The following GNAL variants were observed in gnomAD, a reference collection of about 807,000 sequenced individuals.
GNAL encodes G protein subunit alpha L.
GNAL carries 18 observed loss-of-function variants against 55.1 expected under a neutral mutation model. The observed-to-expected ratio is 0.33, with a 90% CI of 0.23 to 0.48. GNAL has a LOEUF of 0.48. Among genes scored for constraint, GNAL ranks in the 20% least tolerant of loss-of-function variants. GNAL has a pLI of 0.99. For missense variants in GNAL, 412 were observed against 614.1 expected (o/e 0.67, Z 3.48); for synonymous variants, 253 against 237.0 (o/e 1.07, Z -0.62).
At chr18:11,702,583 A>G (rs1199150874) in intron 1 of GNAL, among the ~76,000 whole-genome samples, 1 of 152,208 alleles carries the variant, frequency 6.6e-6, no homozygotes, top group African/African-American at 2.4e-5. Flanking sequence ...TAGCACGTCT[A>G]CCACGTCCCA....
At chr18:11,735,434 G>C (rs1423087368) in intron 1 of GNAL, among the ~76,000 whole-genome samples, 4 of 152,160 alleles carry the variant, frequency 2.6e-5, no homozygotes, top group Non-Finnish European at 5.9e-5. Context: ...ATTTAAATAA[G>C]AGTAGCTCAC....
chr18:11,825,149 T>G, intron 5 of GNAL, 134 bp downstream of exon 5: 1 of 612,382 alleles, frequency 1.6e-6, no homozygotes, highest in Non-Finnish European at 2.9e-6. Flanking sequence ...AGAAATCAAC[T>G]TTTAAAATGA....
intron 4 of GNAL, among the ~76,000 whole-genome samples, chr18:11,761,211 C>T (rs1598435588): frequency 1.3e-5 from 2 of 152,322 alleles, no homozygotes; most frequent in East Asian, 1.9e-4. Flanking sequence ...ACCTCCACCT[C>T]AAGCCAGCAT....
At chr18:11,875,675 C>T (rs1409031968) in intron 10 of GNAL, among the ~76,000 whole-genome samples, 1 of 152,176 alleles carries the variant, frequency 6.6e-6, no homozygotes, top group African/African-American at 2.4e-5. Flanking sequence ...CCCCAGAAGC[C>T]TAGCAGATAC....
At chr18:11,876,987 C>T (rs557107022) in intron 11 of GNAL, among the ~76,000 whole-genome samples, 2 of 152,270 alleles carry the variant, frequency 1.3e-5, no homozygotes, top group Non-Finnish European at 2.9e-5. Flanking sequence ...AAAAGGACAG[C>T]GTCCTTCAGC....
chr18:11,847,782 G>T (rs1313924787), intron 5 of GNAL, among the ~76,000 whole-genome samples: 1 of 152,048 alleles, frequency 6.6e-6, no homozygotes, highest in African/African-American at 2.4e-5. Flanking sequence ...CGTACAATTA[G>T]CATGGTTGTA....
intron 1 of GNAL, among the ~76,000 whole-genome samples, chr18:11,708,408 G>T (rs1211653865): frequency 6.6e-6 from 1 of 152,150 alleles, no homozygotes; most frequent in Non-Finnish European, 1.5e-5. Context: ...GATTGAGTTT[G>T]CCATCTTATA....
chr18:11,819,960 T>TA (rs57209043), intron 4 of GNAL, among the ~76,000 whole-genome samples: 8,370 of 148,600 alleles, frequency 0.056, 292 homozygotes, highest in African/African-American at 0.1. Context: ...GTGGAACTTA[T>TA]AAAAAAAAAA....
chr18:11,712,364 T>C (rs989038785), intron 1 of GNAL, among the ~76,000 whole-genome samples: 10 of 152,210 alleles, frequency 6.6e-5, no homozygotes, highest in African/African-American at 2.2e-4. Flanking sequence ...AATTGCCCTT[T>C]TTACCTCTTT....
At chr18:11,778,933 A>C (rs1320861538) in intron 4 of GNAL, among the ~76,000 whole-genome samples, 2 of 152,174 alleles carry the variant, frequency 1.3e-5, no homozygotes, top group Non-Finnish European at 2.9e-5. Context: ...GAAGACAGGA[A>C]AACAAACAAC....
At chr18:11,710,650 G>T (rs2031814801) in intron 1 of GNAL, among the ~76,000 whole-genome samples, 2 of 150,778 alleles carry the variant, frequency 1.3e-5, no homozygotes, top group African/African-American at 2.4e-5. Context: ...TTTTTTTGGA[G>T]GATAGTTTTG....
At chr18:11,758,071 T>TG (rs1294485766) in intron 4 of GNAL, among the ~76,000 whole-genome samples, 1 of 152,160 alleles carries the variant, frequency 6.6e-6, no homozygotes, top group East Asian at 1.9e-4. Context: ...TGAAAAGGGC[T>TG]GGAATCACTT....
chr18:11,866,603 C>G (rs1373704160), intron 7 of GNAL, among the ~76,000 whole-genome samples: 1 of 150,392 alleles, frequency 6.6e-6, no homozygotes, highest in Non-Finnish European at 1.5e-5. Flanking sequence ...GGAAGCAGCT[C>G]GGGCTGGGCA....
In GNAL at chr18:11,751,517, C is replaced by T. The variant is rs2032825071; in HGVS notation, c.377-1336C>T. 1 of 985,342 alleles carries T rather than the reference C, an allele frequency of 1.0e-6. No individual in the cohort carries two copies. Among genetic ancestry groups the T allele is most frequent in the Non-Finnish European group, 1.2e-6 (1 of 829,948 alleles). 61.0% of individuals were successfully genotyped at this position (985,342 alleles called of 1,614,324 possible). A position where few individuals can be genotyped will look rare whatever the true frequency, so the allele number is the denominator to read the frequency against. On this transcript the variant is annotated intron_variant, in intron 1 of 11. Coordinates refer to ENST00000334049, the MANE Select transcript of GNAL (RefSeq NM_182978.4). The surrounding 1 kb of genome is among the most constrained non-coding windows in gnomAD (Gnocchi z 4.5). ...CAAAGGCGGTGTGACTGGTGAGCCTCGGAGGGATCCTCCTCCCTGCTAGAA... is the reference window on the plus strand; with the variant it reads ...CAAAGGCGGTGTGACTGGTGAGCCTTGGAGGGATCCTCCTCCCTGCTAGAA...
chr18:11,821,125 G>C (rs1029414999), intron 4 of GNAL, among the ~76,000 whole-genome samples: 2 of 152,184 alleles, frequency 1.3e-5, no homozygotes, highest in Non-Finnish European at 2.9e-5. Flanking sequence ...ATCGTGGAAG[G>C]ACCACAGAAG....
At position 11,867,153 on chromosome 18, in the gene GNAL, C is replaced by A. The variant is rs181272883; in HGVS notation, c.852-15C>A. The A allele has an allele frequency of 8.7e-6, 14 of 1,601,468 alleles. No homozygotes were observed. Among genetic ancestry groups the A allele is most frequent in the Non-Finnish European group, 1.2e-5 (14 of 1,168,572 alleles). ...GCTTCCCCCAAATAATTGTGTTCCT[C>A]TTGCTCTTCCACAGCATGTTTGATG... is the stretch of plus-strand genomic sequence containing the variant. On this transcript the variant is annotated splice_polypyrimidine_tract_variant and intron_variant, in intron 7 of 11. Transcript: ENST00000334049.
intron 1 of GNAL, among the ~76,000 whole-genome samples, chr18:11,702,681 A>G (rs1434396458): frequency 1.3e-5 from 2 of 152,230 alleles, no homozygotes; most frequent in Non-Finnish European, 1.5e-5. Context: ...GCGGGAGACA[A>G]AGGTATCAAC....
chr18:11,809,600 G>A (rs2034757339), intron 4 of GNAL, among the ~76,000 whole-genome samples: 2 of 152,142 alleles, frequency 1.3e-5, no homozygotes, highest in African/African-American at 4.8e-5. Flanking sequence ...AGGCATGGTG[G>A]CATACATCTG....
In GNAL at chr18:11,794,173, C is replaced by T. The variant is rs546107389; in HGVS notation, c.625-30745C>T. On this transcript the variant is annotated intron_variant, in intron 4 of 11. Coordinates refer to ENST00000334049, the MANE Select transcript of GNAL (RefSeq NM_182978.4). ...CTGGAAGTGCAGAATGGTGTAGCCA[C>T]TGTGGAAAACAGTTTGGTTGTTTCT... 1.6e-3 allele frequency among the ~76,000 whole-genome samples: 245 copies of T among 152,314 alleles called. 1 individual carries two copies. The highest frequency in any genetic ancestry group is 6.8e-3 in the Middle Eastern group (2 of 294).
Sources: gnomAD v4.1 joint callset for allele counts (sites outside exome capture counted in the v4.1 genomes callset) on GRCh38, gnomAD v4.1.1 for gene constraint, Gnocchi (gnomAD v3.1) non-coding constraint, MANE v1.5 for transcripts, NCBI Gene and HGNC (gene_info 2026-07-23, HGNC 2026-07-21) for gene names.